The following TDG variants were observed in gnomAD, a reference collection of about 807,000 sequenced individuals.
TDG encodes the protein thymine DNA glycosylase.
A neutral mutation model predicts 46.1 loss-of-function variants in TDG; 23 were observed. The observed-to-expected ratio is 0.50, with a 90% CI of 0.36 to 0.71. The LOEUF is 0.71. Ranked by LOEUF, TDG falls within the 30% of genes least tolerant of loss-of-function variation. The pLI, the probability that TDG is intolerant of heterozygous loss-of-function variation, is 0.00. For missense variants in TDG, 304 were observed against 486.7 expected, an observed-to-expected ratio of 0.62 and a Z score of 3.53; for synonymous variants, 115 against 161.3, an observed-to-expected ratio of 0.71 and a Z score of 2.18.
intron 1 of TDG, among the ~76,000 whole-genome samples, chr12:103,972,332 C>T (rs1333341880): frequency 2.0e-5 from 3 of 152,038 alleles, no homozygotes; most frequent in Admixed American, 1.3e-4. Context: ...TTGGCCAGGC[C>T]GGTCTCGAAC....
rs942525781 is a variant in TDG at position 103,966,079 on chromosome 12, C to G, written c.23+19C>G. The G allele has an allele frequency of 1.3e-6, 2 of 1,560,920 alleles. No individual in the cohort carries two copies. The highest frequency in any genetic ancestry group is 1.2e-5 in the South Asian group (1 of 85,216). Reference sequence around the variant, plus strand: ...CGGGCAGGTAATACCGGGGCCAGCGCCGCCCCTCCCTTGCGCCCCTCACTG... The same window carrying G: ...CGGGCAGGTAATACCGGGGCCAGCGGCGCCCCTCCCTTGCGCCCCTCACTG... On this transcript the variant is annotated intron_variant, in intron 1 of 9. Coordinates refer to ENST00000392872, the MANE Select transcript of TDG (RefSeq NM_003211.6).
At chr12:103,966,114 C>T in intron 1 of TDG, 54 bp downstream of exon 1, 1 of 1,453,894 alleles carries the variant, frequency 6.9e-7, no homozygotes, top group African/African-American at 1.5e-5. Flanking sequence ...GCTGGGCAGG[C>T]TGGCTGGCGC....
chr12:103,973,255 TTG>T (rs937795809), intron 1 of TDG, among the ~76,000 whole-genome samples: 4 of 152,014 alleles, frequency 2.6e-5, no homozygotes, highest in Non-Finnish European at 5.9e-5. Context: ...CCAGCTAATT[TTG>T]TGTTTTTAGT....
rs754372926 is a variant in TDG, at chr12:103,983,232, T to C, written c.697+14T>C. On this transcript the variant is annotated intron_variant, in intron 6 of 9. Coordinates refer to ENST00000392872, the MANE Select transcript of TDG (RefSeq NM_003211.6). ...TTAATGGAAAATGTAAGATTTACTT[T>C]TAAATTTTTTTTTTCTTTGCTAACA... 3 of 1,579,346 alleles carry C rather than the reference T, an allele frequency of 1.9e-6. No individual in the cohort carries two copies. Among genetic ancestry groups the C allele is most frequent in the East Asian group, 2.3e-5 (1 of 44,338 alleles).
At chr12:103,973,163 C>T in intron 1 of TDG, 2 of 626,288 alleles carry the variant, frequency 3.2e-6, no homozygotes, top group South Asian at 1.7e-5. Flanking sequence ...CGGCTCACCA[C>T]AACCTCCACC....
intron 4 of TDG, among the ~76,000 whole-genome samples, chr12:103,981,736 C>T (rs1368317569): frequency 6.6e-6 from 1 of 152,020 alleles, no homozygotes; most frequent in Non-Finnish European, 1.5e-5. Context: ...TTGGCTGGAT[C>T]TGGTGGCTCA....
Position 103,969,549 on chromosome 12 carries a change from G to C in TDG, c.23+3489G>C, listed in dbSNP as rs115082144. Among the ~76,000 whole-genome samples the C allele has an allele frequency of 8.8e-3, 1,339 of 152,310 alleles. 23 individuals are homozygous for C. Among genetic ancestry groups the C allele is most frequent in the African/African-American group, 0.03 (1,259 of 41,558 alleles). On this transcript the variant is annotated intron_variant, in intron 1 of 9. Transcript: ENST00000392872. ...AAATTTGTGAGTGACCCAAGCCTGG[G>C]AGGAATTTGTGGAATTAACTGATTG... is the stretch of plus-strand genomic sequence containing the variant.
At chr12:103,983,767 G>T (rs1329958098) in intron 7 of TDG, among the ~76,000 whole-genome samples, 2 of 152,142 alleles carry the variant, frequency 1.3e-5, no homozygotes, top group Admixed American at 1.3e-4. Context: ...AGGAAAACCA[G>T]TTGCCCCATT....
intron 2 of TDG, 131 bp downstream of exon 2, chr12:103,977,191 G>A: frequency 1.6e-6 from 2 of 1,271,228 alleles, no homozygotes; most frequent in Non-Finnish European, 2.1e-6. Context: ...TACTTAGTAT[G>A]TGCTAAGCAC....
At chr12:103,974,793 A>G (rs2136235052) in intron 1 of TDG, among the ~76,000 whole-genome samples, 1 of 151,716 alleles carries the variant, frequency 6.6e-6, no homozygotes, top group Admixed American at 6.6e-5. Context: ...ACACGGTGAA[A>G]CCCTGTCTCT....
chr12:103,985,351 G>C (rs925727782), intron 8 of TDG, among the ~76,000 whole-genome samples: 1 of 152,098 alleles, frequency 6.6e-6, no homozygotes, highest in African/African-American at 2.4e-5. Flanking sequence ...CACTTCTGCA[G>C]ATAATTCACC....
intron 1 of TDG, among the ~76,000 whole-genome samples, chr12:103,972,413 G>C (rs1167377961): frequency 6.6e-6 from 1 of 152,094 alleles, no homozygotes; most frequent in African/African-American, 2.4e-5. Flanking sequence ...CACTGTTTCC[G>C]GCCAGTTATC....
At chr12:103,974,115 C>T (rs1340999941) in intron 1 of TDG, among the ~76,000 whole-genome samples, 19 of 152,046 alleles carry the variant, frequency 1.2e-4, no homozygotes, top group Non-Finnish European at 2.9e-5. Context: ...AGCCCAGCCG[C>T]TGGGGGTGGT....
intron 1 of TDG, among the ~76,000 whole-genome samples, chr12:103,973,882 T>TA (rs1253577326): frequency 1.3e-5 from 2 of 152,268 alleles, no homozygotes; most frequent in African/African-American, 4.8e-5. Context: ...TAGTATTTTC[T>TA]CATGTTAATG....
At position 103,966,015 on chromosome 12, in the gene TDG, G is replaced by T; in HGVS notation, c.-23G>T. On this transcript the variant is annotated 5_prime_UTR_variant, in exon 1 of 10. Transcript: ENST00000392872. ...GCCCGTGTGCCCGGCAGGTGGAGCC[G>T]CCCGCATCAGCGGCCTCGGGGAATG... The T allele has an allele frequency of 6.4e-7, 1 of 1,558,414 alleles. No homozygotes were observed. The highest frequency in any genetic ancestry group is 8.7e-7 in the Non-Finnish European group (1 of 1,150,914).
At chr12:103,986,649 G>T (rs1872168389) in intron 9 of TDG, 5 of 239,756 alleles carry the variant, frequency 2.1e-5, no homozygotes, top group Admixed American at 1.9e-4. Context: ...GGAGGCAGAG[G>T]CTGTAGTGAG....
chr12:103,984,142 A>T (rs933425362), intron 7 of TDG, among the ~76,000 whole-genome samples: 1 of 152,164 alleles, frequency 6.6e-6, no homozygotes, highest in African/African-American at 2.4e-5. Context: ...TTTTGTTCAT[A>T]ATTTCTTATA....
intron 4 of TDG, 108 bp from the exon 5 acceptor site, chr12:103,982,691 G>A (rs1044476847): frequency 6.4e-5 from 71 of 1,109,992 alleles, no homozygotes; most frequent in South Asian, 4.4e-4. Context: ...CTTGAGCCTC[G>A]GTGGTCGAGG....
In TDG at chr12:103,983,532, T is replaced by A. The variant is rs1434941467; in HGVS notation, c.792+143T>A. 4.9e-5 allele frequency: 27 copies of A among 546,782 alleles called. No individual in the cohort carries two copies. In the East Asian group the frequency reaches 8.8e-4, roughly 18 times the overall value. The allele number at this position is 546,782 out of a possible 1,614,324, so 33.9% of individuals were successfully genotyped here. A position where few individuals can be genotyped will look rare whatever the true frequency, so the allele number is the denominator to read the frequency against. On this transcript the variant is annotated intron_variant, in intron 7 of 9. Transcript: ENST00000392872. ...GTTGAATAATACCTATACATCAGCTTTAACTAATAGTTGTAAATTAATTCA... is the reference window on the plus strand; with the variant it reads ...GTTGAATAATACCTATACATCAGCTATAACTAATAGTTGTAAATTAATTCA...
Sources: allele counts gnomAD v4.1 joint callset (sites outside exome capture counted in the v4.1 genomes callset), GRCh38; gene constraint gnomAD v4.1.1; transcripts MANE v1.5; gene names NCBI Gene and HGNC (gene_info 2026-07-23, HGNC 2026-07-21).